The following C2orf42 variants were observed in gnomAD, a reference collection of about 807,000 sequenced individuals.
C2orf42 encodes uncharacterized protein C2orf42.
In C2orf42, 44 loss-of-function variants were observed where a neutral mutation model predicts 58.9. That is an observed-to-expected ratio of 0.75 (90% CI 0.59 to 0.96). C2orf42 has a LOEUF of 0.96. Ranked by LOEUF, C2orf42 falls within the 40% of genes least tolerant of loss-of-function variation. The pLI, the probability that C2orf42 is intolerant of heterozygous loss-of-function variation, is 0.00. For synonymous variants in C2orf42, 239 were observed against 265.4 expected (o/e 0.90, Z 0.97); for missense variants, 630 against 699.2 (o/e 0.90, Z 1.12).
intron 8 of C2orf42, 27 bp from the exon 9 acceptor site, chr2:70,160,814 A>T (rs202118682): frequency 1.3e-6 from 2 of 1,517,756 alleles, no homozygotes; most frequent in Non-Finnish European, 1.8e-6. Flanking sequence ...TACCAAAAAA[A>T]GGTGAGAGAG....
rs36028499 is a variant in C2orf42 at position 70,154,414 on chromosome 2, T to TAA, written c.1517-3852_1517-3851dup. ...CCCCATCTCTGTAAGAAATTTTTAC[T>TAA]AAAAAAAAAAAAAAAAAAAAAAAAA... is the stretch of plus-strand genomic sequence containing the variant. On this transcript the variant is annotated intron_variant, in intron 9 of 9. Coordinates refer to ENST00000264434, the MANE Select transcript of C2orf42 (RefSeq NM_017880.3). Among the ~76,000 whole-genome samples, 99 of 25,592 alleles carry TAA rather than the reference T, an allele frequency of 3.9e-3. 7 individuals carry two copies. The highest frequency in any genetic ancestry group is 0.012 in the East Asian group (10 of 842). 16.8% of individuals were successfully genotyped at this position (25,592 alleles called of 152,430 possible).
intron 9 of C2orf42, among the ~76,000 whole-genome samples, chr2:70,151,870 C>T (rs1237646478): frequency 6.6e-6 from 1 of 151,946 alleles, no homozygotes; most frequent in African/African-American, 2.4e-5. Context: ...GCAACCTCCA[C>T]CTCCTGGGTT....
chr2:70,150,948 T>C (rs1672271612), intron 9 of C2orf42, among the ~76,000 whole-genome samples: 1 of 152,202 alleles, frequency 6.6e-6, no homozygotes. Flanking sequence ...GGTTTCATCG[T>C]GTTAGCCAGG....
rs1673312538 is a variant in C2orf42 at position 70,165,130 on chromosome 2, T to C, written c.1315A>G (p.Asn439Asp). 6.2e-7 allele frequency: 1 copy of C among 1,608,914 alleles called. No individual in the cohort carries two copies. Among genetic ancestry groups the C allele is most frequent in the African/African-American group, 1.3e-5 (1 of 74,918 alleles). ...TFSKYTWHIT[N>D]ILQVKQILDT... ...AAGATTTGTTTAACTTGCAGGATAT[T>C]AGTGATATGCCAAGTATACTTGGAA... Residue 439 changes from asparagine (N) to aspartate (D), a missense_variant, in exon 8 of 10, where the codon AAT (asparagine) becomes GAT (aspartate). Coordinates refer to ENST00000264434, the MANE Select transcript of C2orf42 (RefSeq NM_017880.3).
At chr2:70,184,341 T>C (rs1674782554) in intron 1 of C2orf42, among the ~76,000 whole-genome samples, 1 of 151,896 alleles carries the variant, frequency 6.6e-6, no homozygotes, top group Admixed American at 6.6e-5. Flanking sequence ...ATTCTCTGGC[T>C]AATTTTTGTA....
rs751402925 is a variant in C2orf42, at chr2:70,181,873, C to T, written c.113G>A (p.Arg38Gln). 6 of 1,613,804 alleles carry T rather than the reference C, an allele frequency of 3.7e-6. No individual in the cohort carries two copies. The highest frequency in any genetic ancestry group is 1.3e-5 in the African/African-American group (1 of 75,018). The change falls in exon 3 of 10, where the codon CGG (arginine) becomes CAG (glutamine). Residue 38 changes from arginine (R) to glutamine (Q), a missense_variant. Arg to Gln is a conservative substitution (Grantham distance 43, BLOSUM62 1). Transcript: ENST00000264434. ...CPRCGTYNGT[R>Q]GLSCKNKTCG... ...TGTCTTGTTCTTACAGCTCAGTCCC[C>T]GGGTTCCATTGTATGTGCCACATCG...
Position 70,160,735 on chromosome 2 carries a change from T to TC in C2orf42, c.1405dup (p.Glu469GlyfsTer4). The TC allele has an allele frequency of 6.2e-7, 1 of 1,611,824 alleles. No individual in the cohort carries two copies. Among genetic ancestry groups the TC allele is most frequent in the Non-Finnish European group, 8.5e-7 (1 of 1,178,850 alleles). ...TTCCACTTTAGGGCATTTAAATAGC[T>TC]CATAAGTCCCATCTCGGTTCTGGAT... On this transcript the variant is annotated frameshift_variant, in exon 9 of 10. Coordinates refer to ENST00000264434, the MANE Select transcript of C2orf42 (RefSeq NM_017880.3). LOFTEE classifies it high-confidence loss of function.
chr2:70,189,913 T>C (rs1675227306), intron 1 of C2orf42, among the ~76,000 whole-genome samples: 1 of 150,202 alleles, frequency 6.7e-6, no homozygotes, highest in South Asian at 2.1e-4. Flanking sequence ...CACTTTGTAA[T>C]ATGCTATTCT....
Position 70,150,439 on chromosome 2 carries a change from G to A in C2orf42, c.1642C>T (p.His548Tyr). 6.2e-7 allele frequency: 1 copy of A among 1,614,154 alleles called. No homozygotes were observed. The highest frequency in any genetic ancestry group is 1.3e-5 in the African/African-American group (1 of 75,032). Residue 548 changes from histidine to tyrosine, a missense_variant, in exon 10 of 10, where the codon CAT becomes TAT. Physicochemically the swap from His to Tyr is moderately conservative, Grantham distance 83. Transcript: ENST00000264434. ...CGCTGGTCTTGGTACTCCGCCACAT[G>A]CCCATTCCGGTGGTGGCCATACTCA... is the stretch of plus-strand genomic sequence containing the variant. Reference protein sequence around the residue: ...KFEYGHHRNGHVAEYQDQRPP... With the variant: ...KFEYGHHRNGYVAEYQDQRPP...
chr2:70,175,516 T>C (rs1473112699), intron 5 of C2orf42, among the ~76,000 whole-genome samples, 157 bp downstream of exon 5: 1 of 152,210 alleles, frequency 6.6e-6, no homozygotes, highest in African/African-American at 2.4e-5. Flanking sequence ...TTGAGCATGA[T>C]TTGAAACTGG....
chr2:70,178,295 A>G (rs966313324), intron 4 of C2orf42, among the ~76,000 whole-genome samples: 4 of 152,152 alleles, frequency 2.6e-5, no homozygotes, highest in African/African-American at 9.7e-5. Context: ...TGACACTAGT[A>G]TTAAGCATTT....
chr2:70,165,512 A>G lies in C2orf42; in HGVS notation c.1252+16T>C, dbSNP rs1401849180. ...GTTCGAGACATCCATCACTATACCA[A>G]AGGGAAATCCTGTACCTGTGGTGGA... On this transcript the variant is annotated intron_variant, in intron 7 of 9. Coordinates refer to ENST00000264434, the MANE Select transcript of C2orf42 (RefSeq NM_017880.3). The G allele has an allele frequency of 3.6e-6, 5 of 1,376,296 alleles. No individual in the cohort carries two copies. In the African/African-American group the frequency reaches 7.1e-5, roughly 20 times the overall value. 85.3% of individuals were successfully genotyped at this position (1,376,296 alleles called of 1,614,324 possible). A position where few individuals can be genotyped will look rare whatever the true frequency, so the allele number is the denominator to read the frequency against.
chr2:70,175,541 C>A (rs1674129616), intron 5 of C2orf42, 132 bp downstream of exon 5: 1 of 705,786 alleles, frequency 1.4e-6, no homozygotes, highest in South Asian at 1.6e-5. Context: ...ACAGGAGGGA[C>A]CTCAGCCTCA....
rs1674546949 is a variant in C2orf42 at position 70,181,283 on chromosome 2, T to C, written c.703A>G (p.Asn235Asp). 1 of 1,613,810 alleles carries C rather than the reference T, an allele frequency of 6.2e-7. No individual in the cohort carries two copies. Among genetic ancestry groups the C allele is most frequent in the Non-Finnish European group, 8.5e-7 (1 of 1,179,876 alleles). Residue 235 changes from asparagine (N) to aspartate (D), a missense_variant, in exon 3 of 10, where the codon AAT (asparagine) becomes GAT (aspartate). By Grantham distance (23) the Asn-to-Asp change is conservative. Coordinates refer to ENST00000264434, the MANE Select transcript of C2orf42 (RefSeq NM_017880.3). ...TGGGCTGTCTCATCCTTGGAGGCATTTGACTTGTGCGATTTCAGAGTCTGA... is the reference window on the plus strand; with the variant it reads ...TGGGCTGTCTCATCCTTGGAGGCATCTGACTTGTGCGATTTCAGAGTCTGA... The part of the protein sequence containing the change: ...SCQTLKSHKS[N>D]ASKDETAQRC...
intron 4 of C2orf42, among the ~76,000 whole-genome samples, chr2:70,176,547 G>A (rs1235273997): frequency 6.6e-6 from 1 of 152,008 alleles, no homozygotes. Flanking sequence ...AAGTTTAACT[G>A]AGTATTCTAT....
chr2:70,175,537 G>T, intron 5 of C2orf42, 136 bp downstream of exon 5: 1 of 698,034 alleles, frequency 1.4e-6, no homozygotes, highest in Non-Finnish European at 2.6e-6. Flanking sequence ...TGGGACAGGA[G>T]GGACCTCAGC....
At position 70,150,362 on chromosome 2, in the gene C2orf42, G is replaced by C; in HGVS notation, c.1719C>G (p.Phe573Leu). ...LELAPLTTIT[F>L]P ...ATTATTATCTTGTTTTGCTTTAAGG[G>C]AAAGTAATAGTGGTCAGAGGGGCCA... Residue 573 changes from phenylalanine (F) to leucine (L), a missense_variant, in exon 10 of 10, where the codon TTC becomes TTG. Phe to Leu is a conservative substitution (Grantham distance 22, BLOSUM62 0). Transcript: ENST00000264434. 6.2e-7 allele frequency: 1 copy of C among 1,613,342 alleles called. No homozygotes were observed. Among genetic ancestry groups the C allele is most frequent in the Non-Finnish European group, 8.5e-7 (1 of 1,179,724 alleles).
In C2orf42 at chr2:70,157,414, C is replaced by T. The variant is rs949838067; in HGVS notation, c.1516+3211G>A. ...AGCCTGCAGTGAGCCGAGATCGCAC[C>T]ACTGCACTCCAGCCTGGGCGACAGC... On this transcript the variant is annotated intron_variant, in intron 9 of 9. Transcript: ENST00000264434. 1.3e-5 allele frequency among the ~76,000 whole-genome samples: 2 copies of T among 151,980 alleles called. 1 individual carries two copies. Among genetic ancestry groups the T allele is most frequent in the Admixed American group, 1.3e-4 (2 of 15,238 alleles).
chr2:70,171,612 G>A (rs749858434), intron 5 of C2orf42, among the ~76,000 whole-genome samples: 2 of 151,980 alleles, frequency 1.3e-5, no homozygotes, highest in Non-Finnish European at 2.9e-5. Context: ...CCGGGTTCAG[G>A]CGATTCTCCT....
Sources: allele counts gnomAD v4.1 joint callset (sites outside exome capture counted in the v4.1 genomes callset), GRCh38; gene constraint gnomAD v4.1.1; transcripts MANE v1.5; gene names NCBI Gene and HGNC (gene_info 2026-07-23, HGNC 2026-07-21).